Variants in ITFG1 observed in about 807,000 individuals in gnomAD.
The protein encoded by ITFG1 is T-cell immunomodulatory protein.
Under a neutral mutation model 81.8 loss-of-function variants are expected in ITFG1, and 34 were observed. The ratio of observed to expected loss-of-function variants is 0.42; its 90% CI spans 0.32 to 0.55. The LOEUF is 0.55. ITFG1 is among the 20% of genes least tolerant of loss of function. The pLI, the probability that ITFG1 is intolerant of heterozygous loss-of-function variation, is 0.17. For synonymous variants in ITFG1, 285 were observed against 270.6 expected (o/e 1.05, Z -0.52); for missense variants, 672 against 755.4 (o/e 0.89, Z 1.29).
chr16:47,427,008 A>G (rs1969029240), intron 6 of ITFG1, among the ~76,000 whole-genome samples: 1 of 152,146 alleles, frequency 6.6e-6, no homozygotes, highest in Admixed American at 6.5e-5. Context: ...AGGTGGGGAA[A>G]TCAAGTATTT....
At chr16:47,240,129 G>GAAA (rs569857397) in intron 12 of ITFG1, among the ~76,000 whole-genome samples, 1 of 107,256 alleles carries the variant, frequency 9.3e-6, no homozygotes, top group East Asian at 2.6e-4. Context: ...CTGTCTACCA[G>GAAA]AAAAAAAAAA....
chr16:47,460,986 C>T lies in ITFG1; in HGVS notation c.60G>A (p.Gly20=), dbSNP rs759009333. The T allele has an allele frequency of 2.5e-6, 4 of 1,587,616 alleles. No homozygotes were observed. The highest frequency in any genetic ancestry group is 2.3e-5 in the East Asian group (1 of 43,524). Residue 20 remains glycine (G), a synonymous_variant, in exon 1 of 18, where the codon GGG becomes GGA. Coordinates refer to ENST00000320640, the MANE Select transcript of ITFG1 (RefSeq NM_030790.5). Reference sequence around the variant, plus strand: ...CCGGCCCGACTCCCAGTAGTGCAAGCCCTGCGAGGAGCGGCGAGAAGAGGG... The same window carrying T: ...CCGGCCCGACTCCCAGTAGTGCAAGTCCTGCGAGGAGCGGCGAGAAGAGGG... ...SWALFSPLLA[G]LALLGVGPVP... is the part of the protein sequence containing the mutation.
At chr16:47,399,117 G>GT (rs1968627539) in intron 6 of ITFG1, among the ~76,000 whole-genome samples, 1 of 152,182 alleles carries the variant, frequency 6.6e-6, no homozygotes, top group South Asian at 2.1e-4. Context: ...AAATTAACTG[G>GT]TATCATCTAC....
intron 8 of ITFG1, among the ~76,000 whole-genome samples, chr16:47,350,875 T>TC (rs1967942552): frequency 6.6e-6 from 1 of 152,178 alleles, no homozygotes; most frequent in African/African-American, 2.4e-5. Context: ...CATGATCAAG[T>TC]GGGCTTCATC....
At chr16:47,190,043 T>G (rs924739401) in intron 14 of ITFG1, among the ~76,000 whole-genome samples, 1 of 149,840 alleles carries the variant, frequency 6.7e-6, no homozygotes, top group Admixed American at 6.7e-5. Context: ...TCCTCTGGAT[T>G]AAAAAAAAAA....
chr16:47,389,108 G>A (rs905029232), intron 6 of ITFG1, among the ~76,000 whole-genome samples: 2 of 152,068 alleles, frequency 1.3e-5, no homozygotes, highest in African/African-American at 2.4e-5. Context: ...TGGCTGAGCC[G>A]GTGATCACCT....
intron 6 of ITFG1, among the ~76,000 whole-genome samples, chr16:47,416,059 A>C (rs901705813): frequency 7.9e-5 from 12 of 152,172 alleles, no homozygotes; most frequent in Non-Finnish European, 1.6e-4. Context: ...GCACCATTGC[A>C]CTCCAGCCTG....
chr16:47,180,557 A>AT (rs1273479727), intron 14 of ITFG1, among the ~76,000 whole-genome samples: 2 of 151,854 alleles, frequency 1.3e-5, no homozygotes, highest in East Asian at 3.9e-4. Context: ...TGTTTTTCGT[A>AT]TTTTTTTGGT....
At chr16:47,339,108 T>C (rs543852167) in intron 8 of ITFG1, among the ~76,000 whole-genome samples, 2 of 152,342 alleles carry the variant, frequency 1.3e-5, no homozygotes, top group South Asian at 2.1e-4. Flanking sequence ...TTCACTTCCC[T>C]CCATGTTGTT....
At chr16:47,393,142 C>T (rs117946469) in intron 6 of ITFG1, among the ~76,000 whole-genome samples, 2,249 of 152,232 alleles carry the variant, frequency 0.015, 25 homozygotes, top group Middle Eastern at 0.048. Context: ...GGTAGCACTG[C>T]CATTTTAGGG....
chr16:47,186,970 GACAA>G (rs1175885839), intron 14 of ITFG1, among the ~76,000 whole-genome samples: 2 of 152,224 alleles, frequency 1.3e-5, no homozygotes, highest in East Asian at 1.9e-4. Context: ...ACCAGTAACA[GACAA>G]ACAGAGAGCC....
At chr16:47,302,371 A>C (rs1435827587) in intron 10 of ITFG1, among the ~76,000 whole-genome samples, 1 of 151,624 alleles carries the variant, frequency 6.6e-6, no homozygotes, top group Non-Finnish European at 1.5e-5. Flanking sequence ...TAGGTATGAC[A>C]TTTTTGGTAT....
intron 8 of ITFG1, among the ~76,000 whole-genome samples, chr16:47,362,454 T>C (rs1309715878): frequency 1.3e-5 from 2 of 152,234 alleles, no homozygotes; most frequent in Non-Finnish European, 2.9e-5. Flanking sequence ...ATGTTCAAAA[T>C]TGTTCTACTA....
intron 6 of ITFG1, among the ~76,000 whole-genome samples, chr16:47,405,783 A>G (rs1295759781): frequency 6.6e-6 from 1 of 152,046 alleles, no homozygotes; most frequent in Non-Finnish European, 1.5e-5. Context: ...TCATGACTGT[A>G]TTTCAGATAA....
At chr16:47,216,776 C>T (rs1319648598) in intron 14 of ITFG1, among the ~76,000 whole-genome samples, 2 of 151,828 alleles carry the variant, frequency 1.3e-5, no homozygotes, top group Non-Finnish European at 2.9e-5. Flanking sequence ...ATTCTCATGC[C>T]TCAGCCTCCT....
At chr16:47,302,790 G>A (rs528035606) in intron 10 of ITFG1, among the ~76,000 whole-genome samples, 2 of 152,248 alleles carry the variant, frequency 1.3e-5, no homozygotes, top group South Asian at 4.1e-4. Context: ...GGCCTTTAAA[G>A]CAAATCTTTT....
chr16:47,217,717 G>A (rs1199072600), intron 14 of ITFG1, among the ~76,000 whole-genome samples: 1 of 152,174 alleles, frequency 6.6e-6, no homozygotes, highest in Non-Finnish European at 1.5e-5. Context: ...GAGGTCAGGA[G>A]ACGGAGATTA....
intron 14 of ITFG1, among the ~76,000 whole-genome samples, chr16:47,165,158 T>C (rs1964873770): frequency 2.0e-5 from 3 of 152,230 alleles, no homozygotes; most frequent in Admixed American, 2.0e-4. Flanking sequence ...ATACAATATA[T>C]GTATTTTCTA....
At chr16:47,323,915 A>T (rs1436237839) in intron 8 of ITFG1, among the ~76,000 whole-genome samples, 1 of 152,198 alleles carries the variant, frequency 6.6e-6, no homozygotes, top group Non-Finnish European at 1.5e-5. Flanking sequence ...GATTATTCTT[A>T]AAATTCTTAT....
Sources: gnomAD v4.1 joint callset for allele counts (sites outside exome capture counted in the v4.1 genomes callset) on GRCh38, gnomAD v4.1.1 for gene constraint, MANE v1.5 for transcripts, NCBI Gene and HGNC (gene_info 2026-07-23, HGNC 2026-07-21) for gene names.